The following OR2V2 variants were observed in gnomAD, a reference collection of about 807,000 sequenced individuals.
The protein encoded by OR2V2 is olfactory receptor family 2 subfamily V member 2, also known as olfactory receptor 2V2.
For synonymous variants in OR2V2, 161 were observed against 151.3 expected, an observed-to-expected ratio of 1.06 and a Z score of -0.47; for missense variants, 392 against 392.2, an observed-to-expected ratio of 1.00 and a Z score of 0.00.
chr5:181,151,295 T>A (rs895578996), intron 1 of OR2V2, among the ~76,000 whole-genome samples: 1 of 152,016 alleles, frequency 6.6e-6, no homozygotes, highest in Non-Finnish European at 1.5e-5. Flanking sequence ...AGTGGGGGGA[T>A]CCTGGAAGGG....
intron 1 of OR2V2, among the ~76,000 whole-genome samples, chr5:181,149,112 C>A (rs1047973663): frequency 1.3e-5 from 2 of 152,018 alleles, no homozygotes; most frequent in Non-Finnish European, 2.9e-5. Flanking sequence ...GTGACAGTAG[C>A]CTGGGGTGGG....
chr5:181,153,250 T>G (rs189343638), intron 1 of OR2V2, among the ~76,000 whole-genome samples: 1 of 152,348 alleles, frequency 6.6e-6, no homozygotes, highest in Admixed American at 6.5e-5. Context: ...AATGATCTGT[T>G]CTGTTATTTG....
chr5:181,152,760 C>T (rs1763208096), intron 1 of OR2V2, among the ~76,000 whole-genome samples: 1 of 152,226 alleles, frequency 6.6e-6, no homozygotes, highest in Non-Finnish European at 1.5e-5. Flanking sequence ...GGATCACTTG[C>T]CCTGGCAGGA....
chr5:181,156,006 C>A lies in OR2V2; in HGVS notation c.*116C>A. The A allele has an allele frequency of 1.1e-6, 1 of 902,550 alleles. No individual in the cohort carries two copies. The highest frequency in any genetic ancestry group is 1.6e-6 in the Non-Finnish European group (1 of 607,664). 55.9% of individuals were successfully genotyped at this position (902,550 alleles called of 1,614,324 possible). ...TGAATTATGATGATTGTGACACCCT[C>A]AGACTTGGAAGGTCTTTTTAAACAC... On this transcript the variant is annotated 3_prime_UTR_variant, in exon 2 of 2. Transcript: ENST00000641492.
intron 1 of OR2V2, among the ~76,000 whole-genome samples, chr5:181,152,035 T>C (rs1763197828): frequency 6.6e-6 from 1 of 151,164 alleles, no homozygotes; most frequent in African/African-American, 2.4e-5. Context: ...CTATCTCCGA[T>C]CTGCTGAGAA....
At chr5:181,149,081 G>A (rs192732272) in intron 1 of OR2V2, among the ~76,000 whole-genome samples, 2 of 152,310 alleles carry the variant, frequency 1.3e-5, no homozygotes, top group African/African-American at 4.8e-5. Flanking sequence ...TTTTGCAGGG[G>A]TGGGTCCACC....
Position 181,155,438 on chromosome 5 carries a change from A to G in OR2V2, c.496A>G (p.Asn166Asp). 6.2e-7 allele frequency: 1 copy of G among 1,614,162 alleles called. No individual in the cohort carries two copies. Among genetic ancestry groups the G allele is most frequent in the Non-Finnish European group, 8.5e-7 (1 of 1,180,020 alleles). The change falls in exon 2 of 2, where the codon AAT (asparagine) becomes GAT (aspartate). Residue 166 changes from asparagine to aspartate, a missense_variant. Physicochemically the swap from Asn to Asp is conservative, Grantham distance 23 (BLOSUM62 1). Transcript: ENST00000641492. ...CTTGATCCAGATGGTGGTAGTAATGAATTTCCCCTACTGTGGCTTGAGGAA... is the reference window on the plus strand; with the variant it reads ...CTTGATCCAGATGGTGGTAGTAATGGATTTCCCCTACTGTGGCTTGAGGAA... Reference protein sequence around the residue: ...DGLIQMVVVMNFPYCGLRKVN... With the variant: ...DGLIQMVVVMDFPYCGLRKVN...
intron 1 of OR2V2, among the ~76,000 whole-genome samples, chr5:181,149,449 A>G (rs1002181667): frequency 6.6e-6 from 1 of 152,196 alleles, no homozygotes; most frequent in African/African-American, 2.4e-5. Flanking sequence ...TTCAGGCAGA[A>G]CAGCCCCACT....
Position 181,156,983 on chromosome 5 carries a change from T to C in OR2V2, c.*1093T>C, listed in dbSNP as rs958481007. The C allele has an allele frequency of 6.6e-6, 1 of 152,236 alleles. No homozygotes were observed. The highest frequency in any genetic ancestry group is 1.5e-5 in the Non-Finnish European group (1 of 68,042). 9.4% of individuals were successfully genotyped at this position (152,236 alleles called of 1,614,324 possible). ...CTGCTCTGTGTCAGCTCAGCTTCTG[T>C]AAGGAGAAAACTGGCTGAACTCCTT... is the stretch of plus-strand genomic sequence containing the variant. On this transcript the variant is annotated 3_prime_UTR_variant, in exon 2 of 2. Coordinates refer to ENST00000641492, the MANE Select transcript of OR2V2 (RefSeq NM_206880.2).
rs1267700987 is a variant in OR2V2 at position 181,158,543 on chromosome 5, C to T, written c.*2653C>T. On this transcript the variant is annotated 3_prime_UTR_variant, in exon 2 of 2. Transcript: ENST00000641492. ...TTGGGAGGCTGAGGCGGAAGGATTG[C>T]TTGAGCTTAGGAGGCTGAGGCTGCA... 6.6e-6 allele frequency: 1 copy of T among 152,126 alleles called. No homozygotes were observed. Among genetic ancestry groups the T allele is most frequent in the African/African-American group, 2.4e-5 (1 of 41,402 alleles). 9.4% of individuals were successfully genotyped at this position (152,126 alleles called of 1,614,324 possible). A position where few individuals can be genotyped will look rare whatever the true frequency, so the allele number is the denominator to read the frequency against.
chr5:181,152,547 G>T (rs1763205866), intron 1 of OR2V2, among the ~76,000 whole-genome samples: 1 of 152,172 alleles, frequency 6.6e-6, no homozygotes, highest in African/African-American at 2.4e-5. Flanking sequence ...CTTGTGAGTT[G>T]GTTAGTGTAA....
intron 1 of OR2V2, among the ~76,000 whole-genome samples, chr5:181,148,689 G>A (rs1440305737): frequency 1.3e-5 from 2 of 152,232 alleles, no homozygotes; most frequent in Non-Finnish European, 2.9e-5. Context: ...GGGAAAGCAG[G>A]AGAAAGTGTC....
chr5:181,155,842 G>A lies in OR2V2; in HGVS notation c.900G>A (p.Gly300=). The change falls in exon 2 of 2, where the codon GGG becomes GGA. Residue 300 remains glycine (G), a synonymous_variant. Coordinates refer to ENST00000641492, the MANE Select transcript of OR2V2 (RefSeq NM_206880.2). ...IYSLRNREVM[G]ALRKGLDRCR... is the part of the protein sequence containing the mutation. ...GCTTGAGGAACAGGGAGGTGATGGG[G>A]GCACTGAGGAAGGGGCTGGACCGCT... 1 of 1,614,184 alleles carries A rather than the reference G, an allele frequency of 6.2e-7. No homozygotes were observed. The highest frequency in any genetic ancestry group is 8.5e-7 in the Non-Finnish European group (1 of 1,180,034).
In OR2V2 at chr5:181,155,388, C is replaced by T; in HGVS notation, c.446C>T (p.Ser149Phe). 1 of 1,614,180 alleles carries T rather than the reference C, an allele frequency of 6.2e-7. No homozygotes were observed. Among genetic ancestry groups the T allele is most frequent in the East Asian group, 2.2e-5 (1 of 44,886 alleles). Residue 149 changes from serine (S) to phenylalanine (F), a missense_variant, in exon 2 of 2, where the codon TCC becomes TTC. Coordinates refer to ENST00000641492, the MANE Select transcript of OR2V2 (RefSeq NM_206880.2). ...QRVCLQITGS[S>F]WAFGIIDGLI... ...GTCTGTCTCCAGATTACTGGGAGCT[C>T]CTGGGCCTTTGGGATAATCGATGGC... is the stretch of plus-strand genomic sequence containing the variant.
Position 181,156,074 on chromosome 5 carries a change from T to TTTC in OR2V2, c.*184_*185insTTC, listed in dbSNP as rs1561631541. ...TCTTTCTTTCTTTCTTTCTTTCTTT[T>TTTC]GTTCTTTCTTTCGTTCTTTCTTTCT... On this transcript the variant is annotated 3_prime_UTR_variant, in exon 2 of 2. Coordinates refer to ENST00000641492, the MANE Select transcript of OR2V2 (RefSeq NM_206880.2). 585 of 134,112 alleles carry TTTC rather than the reference T, an allele frequency of 4.4e-3. 9 individuals are homozygous for TTTC. In the South Asian group the frequency reaches 0.057, roughly 13 times the overall value. 8.3% of individuals were successfully genotyped at this position (134,112 alleles called of 1,614,324 possible).
At position 181,155,310 on chromosome 5, in the gene OR2V2, G is replaced by A. The variant is rs529325416; in HGVS notation, c.368G>A (p.Arg123His). The change falls in exon 2 of 2, where the codon CGC (arginine) becomes CAC (histidine). Residue 123 changes from arginine to histidine, a missense_variant. By Grantham distance (29) the Arg-to-His change is conservative. Coordinates refer to ENST00000641492, the MANE Select transcript of OR2V2 (RefSeq NM_206880.2). The stretch of plus-strand genomic sequence containing the variant: ...TTGCTGGGACTCATGGCTTATGACC[G>A]CTATGTGGCCATTAGCCACCCACTT... ...GLLLGLMAYDRYVAISHPLHY... is the reference protein window; with the variant it reads ...GLLLGLMAYDHYVAISHPLHY... The A allele has an allele frequency of 3.8e-5, 61 of 1,613,956 alleles. No individual in the cohort carries two copies. The highest frequency in any genetic ancestry group is 6.7e-5 in the East Asian group (3 of 44,898).
chr5:181,150,800 A>AC (rs757677644), intron 1 of OR2V2, among the ~76,000 whole-genome samples: 6 of 151,764 alleles, frequency 4.0e-5, no homozygotes, highest in South Asian at 2.1e-4. Flanking sequence ...ACATAAGGAG[A>AC]CCCCCATCGC....
intron 1 of OR2V2, among the ~76,000 whole-genome samples, chr5:181,151,213 A>T (rs1446165096): frequency 6.6e-6 from 1 of 152,150 alleles, no homozygotes; most frequent in Middle Eastern, 3.2e-3. Flanking sequence ...CCAGGAAGAA[A>T]ATAATAATAA....
Position 181,156,039 on chromosome 5 carries a change from G to GTTTCTTTCTTTCTTTCTTTCTTTCT in OR2V2, c.*151_*152insTCTTTCTTTCTTTCTTTCTTTCTTT, listed in dbSNP as rs1554096516. ...GAAGGTCTTTTTAAACACTACATCA[G>GTTTCTTTCTTTCTTTCTTTCTTTCT]TTCTTTCTTTCTTTCTTTCTTTCTT... On this transcript the variant is annotated 3_prime_UTR_variant, in exon 2 of 2. Transcript: ENST00000641492. The GTTTCTTTCTTTCTTTCTTTCTTTCT allele has an allele frequency of 5.7e-5, 28 of 495,170 alleles. No homozygotes were observed. The highest frequency in any genetic ancestry group is 3.1e-4 in the African/African-American group (15 of 48,676). 30.7% of individuals were successfully genotyped at this position (495,170 alleles called of 1,614,324 possible). A position where few individuals can be genotyped will look rare whatever the true frequency, so the allele number is the denominator to read the frequency against.
Sources: gnomAD v4.1 joint callset for allele counts (sites outside exome capture counted in the v4.1 genomes callset) on GRCh38, gnomAD v4.1.1 for gene constraint, MANE v1.5 for transcripts, NCBI Gene and HGNC (gene_info 2026-07-23, HGNC 2026-07-21) for gene names.